The following KAT6B variants were observed in gnomAD, a reference collection of about 807,000 sequenced individuals.
The protein encoded by KAT6B is histone acetyltransferase KAT6B.
KAT6B carries 10 observed loss-of-function variants against 187.5 expected under a neutral mutation model. The ratio of observed to expected loss-of-function variants is 0.05; its 90% CI spans 0.03 to 0.09. The LOEUF (loss-of-function observed/expected upper bound fraction) is 0.09, where lower values mean the gene tolerates loss of function less well. Ranked by LOEUF, KAT6B falls within the 10% of genes least tolerant of loss-of-function variation. KAT6B has a pLI of 1.00. For missense variants in KAT6B, 1,952 were observed against 2,558.9 expected (o/e 0.76, Z 5.12); for synonymous variants, 861 against 926.8 (o/e 0.93, Z 1.29).
At chr10:74,877,076 C>T (rs10082352) in intron 3 of KAT6B, among the ~76,000 whole-genome samples, 3,527 of 151,464 alleles carry the variant, frequency 0.023, 138 homozygotes, top group African/African-American at 0.08. Flanking sequence ...AGCGATTCTC[C>T]TGCCTCAGCC....
At chr10:74,937,339 G>A (rs1227626837) in intron 3 of KAT6B, among the ~76,000 whole-genome samples, 1 of 152,158 alleles carries the variant, frequency 6.6e-6, no homozygotes, top group East Asian at 1.9e-4. Flanking sequence ...AAGCCAAGAG[G>A]TTTAAAACAA....
At chr10:74,852,885 T>C (rs571871180) in intron 3 of KAT6B, among the ~76,000 whole-genome samples, 2 of 152,326 alleles carry the variant, frequency 1.3e-5, no homozygotes, top group East Asian at 3.9e-4. Context: ...CCAGCTACAT[T>C]TGTGATACTT....
intron 13 of KAT6B, among the ~76,000 whole-genome samples, chr10:75,017,040 T>C (rs1241968963): frequency 6.6e-6 from 1 of 152,010 alleles, no homozygotes; most frequent in Non-Finnish European, 1.5e-5. Flanking sequence ...GTTTTGTGTT[T>C]TTAGTAGAGA....
At chr10:74,947,840 G>A (rs1196493055) in intron 3 of KAT6B, among the ~76,000 whole-genome samples, 1 of 152,178 alleles carries the variant, frequency 6.6e-6, no homozygotes, top group African/African-American at 2.4e-5. Context: ...TAGTATGCAG[G>A]GAGGGGCTTT....
At chr10:74,867,245 TA>T (rs1316747637) in intron 3 of KAT6B, among the ~76,000 whole-genome samples, 1 of 152,210 alleles carries the variant, frequency 6.6e-6, no homozygotes, top group African/African-American at 2.4e-5. Flanking sequence ...TTGAGATCTT[TA>T]AAAAATTAAT....
At position 74,908,457 on chromosome 10, in the gene KAT6B, A is replaced by G. The variant is rs568470207; in HGVS notation, c.622-51513A>G. On this transcript the variant is annotated intron_variant, in intron 3 of 17. Coordinates refer to ENST00000287239, the MANE Select transcript of KAT6B (RefSeq NM_012330.4). Reference sequence around the variant, plus strand: ...GTGCCTGTAGTCCCAGCTACTCGGGAGGCTGATGCAGAATCGCTTGAACCT... The same window carrying G: ...GTGCCTGTAGTCCCAGCTACTCGGGGGGCTGATGCAGAATCGCTTGAACCT... 2.0e-5 allele frequency among the ~76,000 whole-genome samples: 3 copies of G among 150,118 alleles called. No individual in the cohort carries two copies. In the East Asian group the frequency reaches 6.0e-4, roughly 30 times the overall value.
At chr10:74,906,211 C>T (rs551179470) in intron 3 of KAT6B, among the ~76,000 whole-genome samples, 3 of 152,210 alleles carry the variant, frequency 2.0e-5, no homozygotes, top group African/African-American at 7.2e-5. Flanking sequence ...ACCAGCCTGA[C>T]CAACATGGTA....
At chr10:74,871,958 A>T (rs561009179) in intron 3 of KAT6B, among the ~76,000 whole-genome samples, 41 of 152,352 alleles carry the variant, frequency 2.7e-4, no homozygotes, top group Admixed American at 2.3e-3. Context: ...CTGAGAGGAC[A>T]GGATGCTTCA....
At chr10:74,862,840 G>C (rs911148742) in intron 3 of KAT6B, among the ~76,000 whole-genome samples, 3 of 152,152 alleles carry the variant, frequency 2.0e-5, no homozygotes, top group African/African-American at 7.2e-5. Flanking sequence ...AGAAAGGTCA[G>C]CTGAACAGAC....
intron 3 of KAT6B, among the ~76,000 whole-genome samples, chr10:74,936,852 A>G (rs1417254654): frequency 4.6e-5 from 7 of 152,150 alleles, no homozygotes; most frequent in Non-Finnish European, 8.8e-5. Flanking sequence ...TTGTTTATTA[A>G]TGCCAGTTTT....
intron 3 of KAT6B, among the ~76,000 whole-genome samples, chr10:74,853,517 C>T (rs980445386): frequency 9.9e-5 from 15 of 151,866 alleles, no homozygotes; most frequent in African/African-American, 2.9e-4. Flanking sequence ...TGGTCTTGAA[C>T]GCCTGAGCTC....
chr10:74,955,101 G>A (rs1840580961), intron 3 of KAT6B, among the ~76,000 whole-genome samples: 1 of 152,114 alleles, frequency 6.6e-6, no homozygotes, highest in Non-Finnish European at 1.5e-5. Context: ...CAGTATTTGT[G>A]TATAACCTAT....
At chr10:74,977,551 C>G (rs1463725710) in intron 9 of KAT6B, 114 bp downstream of exon 9, 1 of 1,323,998 alleles carries the variant, frequency 7.6e-7, no homozygotes, top group East Asian at 2.4e-5. Flanking sequence ...CTTTGTGATT[C>G]TTTAGCCGTT....
At chr10:74,862,170 A>G (rs1467608982) in intron 3 of KAT6B, among the ~76,000 whole-genome samples, 1 of 152,188 alleles carries the variant, frequency 6.6e-6, no homozygotes, top group African/African-American at 2.4e-5. Context: ...CCTTGTCTCT[A>G]TTAATGTATT....
intron 3 of KAT6B, among the ~76,000 whole-genome samples, chr10:74,930,296 A>G (rs966116904): frequency 1.3e-5 from 2 of 152,182 alleles, no homozygotes; most frequent in African/African-American, 4.8e-5. Context: ...TGTACCAGAT[A>G]TATTTATTTT....
chr10:74,966,505 G>A lies in KAT6B; in HGVS notation c.731-3155G>A, dbSNP rs184733258. On this transcript the variant is annotated intron_variant, in intron 4 of 17. Transcript: ENST00000287239. ...CTTTCTCCAAAAAGCTTTTCCACTG[G>A]TTTGTAGTTCCATTGGTACTTGTTT... Among the ~76,000 whole-genome samples, 11 of 152,226 alleles carry A rather than the reference G, an allele frequency of 7.2e-5. No individual in the cohort carries two copies. The East Asian group carries it at 2.1e-3, about 29-fold the overall frequency.
intron 1 of KAT6B, among the ~76,000 whole-genome samples, chr10:74,836,180 T>C (rs1841294496): frequency 6.6e-6 from 1 of 152,224 alleles, no homozygotes. Context: ...TATAGTATTC[T>C]AGTGTATGGA....
At chr10:75,013,582 C>A (rs1181226297) in intron 13 of KAT6B, among the ~76,000 whole-genome samples, 2 of 152,146 alleles carry the variant, frequency 1.3e-5, no homozygotes, top group Non-Finnish European at 2.9e-5. Context: ...AATTTTATTT[C>A]TTTCCCCTAC....
chr10:74,857,136 T>C (rs1436437415), intron 3 of KAT6B, among the ~76,000 whole-genome samples: 2 of 152,232 alleles, frequency 1.3e-5, no homozygotes, highest in Admixed American at 6.5e-5. Context: ...TTTCACCCAG[T>C]GTGTATTAGT....
Sources: gnomAD v4.1 joint callset for allele counts (sites outside exome capture counted in the v4.1 genomes callset) on GRCh38, gnomAD v4.1.1 for gene constraint, MANE v1.5 for transcripts, NCBI Gene and HGNC (gene_info 2026-07-23, HGNC 2026-07-21) for gene names.